The following CR1 variants were observed in gnomAD, a reference collection of about 807,000 sequenced individuals.
CR1 encodes complement C3b/C4b receptor 1 (Knops blood group).
CR1 carries 116 observed loss-of-function variants against 187.3 expected under a neutral mutation model. The observed-to-expected ratio is 0.62, with a 90% confidence interval of 0.53 to 0.72. The LOEUF (loss-of-function observed/expected upper bound fraction) is 0.72. Ranked by LOEUF, CR1 falls within the 30% of genes least tolerant of loss-of-function variation. The pLI is 0.00. For synonymous variants in CR1, 576 were observed against 747.1 expected (o/e 0.77, Z 3.73); for missense variants, 1,731 against 2,110.7 (o/e 0.82, Z 3.52).
chr1:207,565,926 G>A lies in CR1; in HGVS notation c.3952+3G>A. On this transcript the variant is annotated splice_donor_region_variant and intron_variant, in intron 24 of 46. Transcript: ENST00000367049. ...TAGCAGTGTTCCAGTGTGTGAACGT[G>A]AGTAATAGGAGCAACATTTCAGGCC... is the stretch of plus-strand genomic sequence containing the variant. 1 of 1,611,108 alleles carries A rather than the reference G, an allele frequency of 6.2e-7. No individual in the cohort carries two copies. The highest frequency in any genetic ancestry group is 8.5e-7 in the Non-Finnish European group (1 of 1,179,716).
intron 4 of CR1, among the ~76,000 whole-genome samples, chr1:207,519,306 A>T (rs752822739): frequency 6.6e-6 from 1 of 151,832 alleles, no homozygotes; most frequent in Non-Finnish European, 1.5e-5. Context: ...TAATAATAAA[A>T]ATTAAAAATA....
chr1:207,598,672 C>A (rs1345273989), intron 35 of CR1, among the ~76,000 whole-genome samples: 1 of 152,144 alleles, frequency 6.6e-6, no homozygotes, highest in Non-Finnish European at 1.5e-5. Context: ...CCTGCCTCGG[C>A]CTCCCAAAGT....
At chr1:207,621,436 C>T (rs1244567383) in intron 43 of CR1, among the ~76,000 whole-genome samples, 1 of 152,096 alleles carries the variant, frequency 6.6e-6, no homozygotes, top group Non-Finnish European at 1.5e-5. Context: ...GAAAATAATA[C>T]AACTATTCCT....
At chr1:207,617,600 TATATATATATATAGAG>T (rs1365689962) in intron 41 of CR1, among the ~76,000 whole-genome samples, 91 of 32,974 alleles carry the variant, frequency 2.8e-3, no homozygotes, top group African/African-American at 7.7e-3. Context: ...TATATATATA[TATATATATATATAGAG>T]AGAGAGAGAG....
chr1:207,498,884 A>AAAAAAAAAG (rs1659175813), intron 1 of CR1, among the ~76,000 whole-genome samples: 2 of 149,160 alleles, frequency 1.3e-5, no homozygotes, highest in Admixed American at 6.7e-5. Context: ...AATCAAAAAA[A>AAAAAAAAAG]AAAAAAAAAG....
rs1307614547 is a variant in CR1 at position 207,618,136 on chromosome 1, C to A, written c.6955C>A (p.Pro2319Thr). ...TGGAGGACACGTATCTCTATATCTT[C>A]CTGGGATGACAATCAGCTACATTTG... is the stretch of plus-strand genomic sequence containing the variant. ...YIGGHVSLYL[P>T]GMTISYICDP... is the part of the protein sequence containing the mutation. Residue 2319 changes from proline to threonine, a missense_variant, in exon 42 of 47, where the codon CCT becomes ACT. Physicochemically the swap from Pro to Thr is conservative, Grantham distance 38. This residue lies in a region of CR1 where 1,312 missense variants were observed against 1,379.6 expected (regional missense o/e 0.95). Coordinates refer to ENST00000367049, the MANE Select transcript of CR1 (RefSeq NM_000651.6). The A allele has an allele frequency of 3.7e-6, 6 of 1,613,800 alleles. No individual in the cohort carries two copies. The highest frequency in any genetic ancestry group is 5.1e-6 in the Non-Finnish European group (6 of 1,179,876).
At chr1:207,594,652 G>C (rs1240708395) in intron 35 of CR1, among the ~76,000 whole-genome samples, 1 of 152,112 alleles carries the variant, frequency 6.6e-6, no homozygotes, top group Non-Finnish European at 1.5e-5. Context: ...TAAATTCAGA[G>C]AGGAAAAACA....
At chr1:207,603,409 A>C (rs17047564) in intron 35 of CR1, among the ~76,000 whole-genome samples, 4,975 of 152,150 alleles carry the variant, frequency 0.033, 281 homozygotes, top group African/African-American at 0.11. Flanking sequence ...CCACGTCTGT[A>C]AAATTCTTTT....
intron 4 of CR1, among the ~76,000 whole-genome samples, chr1:207,521,837 CT>C (rs200281210): frequency 3.4e-4 from 47 of 137,602 alleles, no homozygotes; most frequent in East Asian, 8.3e-4. Flanking sequence ...TGTATATATA[CT>C]TTTTTTTTTT....
chr1:207,509,101 C>T (rs546599091), intron 3 of CR1, among the ~76,000 whole-genome samples: 48 of 152,226 alleles, frequency 3.2e-4, no homozygotes, highest in African/African-American at 1.0e-3. Flanking sequence ...GTTTTTTATT[C>T]TCATTTTTTC....
chr1:207,575,726 G>C (rs1558240693), intron 28 of CR1, 46 bp downstream of exon 28: 1 of 1,611,108 alleles, frequency 6.2e-7, no homozygotes, highest in Non-Finnish European at 8.5e-7. Flanking sequence ...TTGAATCCTA[G>C]AGTTGTCCTC....
intron 32 of CR1, among the ~76,000 whole-genome samples, chr1:207,583,327 TG>T (rs1335689797): frequency 1.3e-5 from 2 of 152,210 alleles, no homozygotes; most frequent in East Asian, 3.9e-4. Context: ...AGGTAACAAG[TG>T]GAAGTTTCAG....
intron 3 of CR1, among the ~76,000 whole-genome samples, chr1:207,509,608 T>C (rs367659193): frequency 2.0e-5 from 3 of 152,330 alleles, no homozygotes; most frequent in Middle Eastern, 3.4e-3. Flanking sequence ...ATGTTCAGTA[T>C]TACAACACTG....
chr1:207,638,868 TC>T (rs1200734304), intron 46 of CR1, among the ~76,000 whole-genome samples: 1 of 152,130 alleles, frequency 6.6e-6, no homozygotes, highest in Non-Finnish European at 1.5e-5. Context: ...TTGTGGGGGC[TC>T]CCCTGGAAGC....
chr1:207,613,846 C>A (rs1440633718), intron 39 of CR1, among the ~76,000 whole-genome samples: 2 of 152,186 alleles, frequency 1.3e-5, no homozygotes, highest in Non-Finnish European at 2.9e-5. Context: ...ACTCTTCCCC[C>A]CTCCCTTCTT....
At position 207,567,965 on chromosome 1, in the gene CR1, A is replaced by G. The variant is rs1363859112; in HGVS notation, c.4094A>G (p.Glu1365Gly). The change falls in exon 25 of 47, where the codon GAG becomes GGG. Residue 1365 changes from glutamate (E) to glycine (G), a missense_variant. Coordinates refer to ENST00000367049, the MANE Select transcript of CR1 (RefSeq NM_000651.6). ...GGGACGAGCTTCGACCTCATTGGAG[A>G]GAGCACCATCCGCTGCACAAGTGAC... ...DRGTSFDLIGESTIRCTSDPQ... is the reference protein window; with the variant it reads ...DRGTSFDLIGGSTIRCTSDPQ... 4.3e-6 allele frequency: 7 copies of G among 1,610,258 alleles called. No homozygotes were observed. Among genetic ancestry groups the G allele is most frequent in the African/African-American group, 2.8e-5 (2 of 71,902 alleles).
At chr1:207,580,741 T>C in intron 31 of CR1, 128 bp downstream of exon 31, 1 of 867,444 alleles carries the variant, frequency 1.2e-6, no homozygotes, top group Non-Finnish European at 1.8e-6. Context: ...TCTGGAAGTG[T>C]AGCTTTAAAA....
chr1:207,621,189 C>T (rs56051912), intron 43 of CR1, among the ~76,000 whole-genome samples: 2 of 151,922 alleles, frequency 1.3e-5, no homozygotes, highest in Admixed American at 6.6e-5. Context: ...GCAGGAGAGT[C>T]GCTTGAACAC....
chr1:207,523,568 T>A (rs55807214), intron 4 of CR1, 43 bp from the exon 5 acceptor site: 22,766 of 1,611,416 alleles, frequency 0.014, 231 homozygotes, highest in Non-Finnish European at 0.016. Flanking sequence ...TGTCATTCAT[T>A]ATTTAAACTG....
Sources: allele counts gnomAD v4.1 joint callset (sites outside exome capture counted in the v4.1 genomes callset), GRCh38; gene constraint gnomAD v4.1.1; regional missense constraint gnomAD v4.1.1; transcripts MANE v1.5; gene names NCBI Gene and HGNC (gene_info 2026-07-23, HGNC 2026-07-21).